MYL3: variants seen among roughly 807,000 people sequenced by gnomAD.
The protein encoded by MYL3 is CMLC1.
A neutral mutation model predicts 21.3 loss-of-function variants in MYL3; 11 were observed. The observed-to-expected ratio is 0.52, with a 90% CI of 0.32 to 0.85. MYL3 has a LOEUF of 0.85. MYL3 is among the 40% of genes least tolerant of loss of function. The pLI is 0.03. For missense variants in MYL3, 206 were observed against 253.3 expected (o/e 0.81, Z 1.27); for synonymous variants, 88 against 91.6 (o/e 0.96, Z 0.22).
chr3:46,864,949 T>A (rs1430977514), upstream of MYL3, among the ~76,000 whole-genome samples: 1 of 152,232 alleles, frequency 6.6e-6, no homozygotes, highest in Non-Finnish European at 1.5e-5. This position sits in a 1 kb window ranked among gnomAD's most constrained non-coding sequence, Gnocchi z 4.7. Flanking sequence ...TTGCCCAGCA[T>A]CTGTGCCTGG....
At chr3:46,865,205 G>A (rs140984185), upstream of MYL3, among the ~76,000 whole-genome samples, 1 of 152,286 alleles carries the variant, frequency 6.6e-6, no homozygotes, top group East Asian at 1.9e-4. The surrounding 1 kb of genome is among the most constrained non-coding windows in gnomAD (Gnocchi z 4.3). Flanking sequence ...CTCCTGACTG[G>A]AACACGTTCT....
Position 46,858,369 on chromosome 3 carries a change from C to A in MYL3, c.559+15G>T. On this transcript the variant is annotated intron_variant, in intron 5 of 6. Transcript: ENST00000292327. ...CACTCCCCTCCCAGAAGACCCCTGC[C>A]CCTGCTGAGCCCACCTTCATAGTTG... 1 of 1,614,128 alleles carries A rather than the reference C, an allele frequency of 6.2e-7. No individual in the cohort carries two copies. Among genetic ancestry groups the A allele is most frequent in the Non-Finnish European group, 8.5e-7 (1 of 1,180,018 alleles).
At chr3:46,858,506 A>C in intron 4 of MYL3, 45 bp from the exon 5 acceptor site, 1 of 1,593,904 alleles carries the variant, frequency 6.3e-7, no homozygotes, top group East Asian at 2.2e-5. Flanking sequence ...GTGCAGAGGC[A>C]TGATGGGGTG....
In MYL3 at chr3:46,871,627, G is replaced by C. The variant is rs528115001; in HGVS notation, c.-217-5027C>G. On this transcript the variant is annotated intron_variant, in intron 1 of 3. Transcript: ENST00000431168. ...CCTTGAGGGCTGTGGGGAGACCACA[G>C]CAGGTTCAGAGACTCACGGGTACCC... is the stretch of plus-strand genomic sequence containing the variant. Among the ~76,000 whole-genome samples, 5 of 152,216 alleles carry C rather than the reference G, an allele frequency of 3.3e-5. No individual in the cohort carries two copies. In the South Asian group the frequency reaches 1.0e-3, roughly 32 times the overall value.
rs1701973720 is a variant in MYL3 at position 46,859,975 on chromosome 3, G to A, written c.308-327C>T. Among the ~76,000 whole-genome samples the A allele has an allele frequency of 6.6e-6, 1 of 152,068 alleles. No homozygotes were observed. The highest frequency in any genetic ancestry group is 1.5e-5 in the Non-Finnish European group (1 of 68,014). ...CCTCCCCTCGTGGCATTTTCTTATA[G>A]ACCTCACCCTCCACCACCTGTGATT... is the stretch of plus-strand genomic sequence containing the variant. On this transcript the variant is annotated intron_variant, in intron 3 of 6. Coordinates refer to ENST00000292327, the MANE Select transcript of MYL3 (RefSeq NM_000258.3). The surrounding 1 kb of genome is among the most constrained non-coding windows in gnomAD (Gnocchi z 4.1).
intron 4 of MYL3, 46 bp from the exon 5 acceptor site, chr3:46,858,507 T>C (rs773590620): frequency 6.3e-7 from 1 of 1,589,694 alleles, no homozygotes; most frequent in Admixed American, 1.7e-5. Context: ...TGCAGAGGCA[T>C]GATGGGGTGG....
At chr3:46,875,904 C>T (rs1036167926) in intron 1 of MYL3, among the ~76,000 whole-genome samples, 2 of 152,232 alleles carry the variant, frequency 1.3e-5, no homozygotes, top group African/African-American at 4.8e-5. Flanking sequence ...TCTGAGCTGC[C>T]ATTCTCCCCC....
At chr3:46,866,952 C>T (rs1326975659), upstream of MYL3, among the ~76,000 whole-genome samples, 1 of 152,168 alleles carries the variant, frequency 6.6e-6, no homozygotes, top group Non-Finnish European at 1.5e-5. Context: ...TGGGAACCGA[C>T]CTTTGGTTCC....
rs1028432174 is a variant in MYL3, at chr3:46,879,695, C to T, written c.-218+2379G>A. On this transcript the variant is annotated intron_variant, in intron 1 of 3. Coordinates refer to the MYL3 transcript ENST00000431168. This position sits in a 1 kb window ranked among gnomAD's most constrained non-coding sequence, Gnocchi z 4.7. ...CCAGGAGGTCAAGGCTGCTGTGAGC[C>T]ATGACCGTGCCACTGCACTCCAGCC... 2.0e-5 allele frequency among the ~76,000 whole-genome samples: 3 copies of T among 152,130 alleles called. No individual in the cohort carries two copies. Among genetic ancestry groups the T allele is most frequent in the Admixed American group, 1.3e-4 (2 of 15,278 alleles).
chr3:46,870,579 G>A (rs1157803054), intron 1 of MYL3, among the ~76,000 whole-genome samples: 2 of 151,904 alleles, frequency 1.3e-5, no homozygotes, highest in Non-Finnish European at 2.9e-5. Context: ...CCAGGGTGTG[G>A]ATGCTGCAAT....
intron 1 of MYL3, among the ~76,000 whole-genome samples, chr3:46,872,444 C>T (rs540077677): frequency 6.6e-6 from 1 of 151,452 alleles, no homozygotes; most frequent in Non-Finnish European, 1.5e-5. Flanking sequence ...GCCCCAAGAC[C>T]CCCCCCCTCA....
rs182650085 is a variant in MYL3, at chr3:46,879,589, A to T, written c.-218+2485T>A. Among the ~76,000 whole-genome samples the T allele has an allele frequency of 9.7e-3, 1,474 of 152,150 alleles. 9 individuals are homozygous for T. The highest frequency in any genetic ancestry group is 0.015 in the South Asian group (73 of 4,828). On this transcript the variant is annotated intron_variant, in intron 1 of 3. Transcript: ENST00000431168. The surrounding 1 kb of genome is among the most constrained non-coding windows in gnomAD (Gnocchi z 4.7). ...GAGACCTCGTCTCTACAAAAAAAAAATTTTTTAATTACCCAGGTGTGGTAG... is the reference window on the plus strand; with the variant it reads ...GAGACCTCGTCTCTACAAAAAAAAATTTTTTTAATTACCCAGGTGTGGTAG...
chr3:46,869,683 C>T (rs1034048010), intron 1 of MYL3, among the ~76,000 whole-genome samples: 2 of 152,150 alleles, frequency 1.3e-5, no homozygotes, highest in Non-Finnish European at 2.9e-5. Flanking sequence ...TCTGCGTGGG[C>T]GTGAGCATGT....
Position 46,879,428 on chromosome 3 carries a change from T to C in MYL3, c.-218+2646A>G, listed in dbSNP as rs2030421517. ...TGGAAGATCAGTGGTCACAGAACCA[T>C]AAAACTTAGAGACACTTAGAAACAG... On this transcript the variant is annotated intron_variant, in intron 1 of 3. Transcript: ENST00000431168. This position sits in a 1 kb window ranked among gnomAD's most constrained non-coding sequence, Gnocchi z 4.7. Among the ~76,000 whole-genome samples, 1 of 152,118 alleles carries C rather than the reference T, an allele frequency of 6.6e-6. No individual in the cohort carries two copies. Among genetic ancestry groups the C allele is most frequent in the Non-Finnish European group, 1.5e-5 (1 of 68,036 alleles).
At chr3:46,880,516 G>T (rs1408962763) in intron 1 of MYL3, among the ~76,000 whole-genome samples, 1 of 152,192 alleles carries the variant, frequency 6.6e-6, no homozygotes, top group African/African-American at 2.4e-5. Flanking sequence ...GAGGCAGGTG[G>T]ATCACTTGAG....
intron 1 of MYL3, among the ~76,000 whole-genome samples, chr3:46,869,170 C>G (rs1277353298): frequency 6.6e-6 from 1 of 152,154 alleles, no homozygotes; most frequent in Non-Finnish European, 1.5e-5. Flanking sequence ...TGGACATTCC[C>G]TGCCACTGGG....
intron 1 of MYL3, among the ~76,000 whole-genome samples, chr3:46,869,936 G>C (rs576518875): frequency 6.6e-6 from 1 of 151,576 alleles, no homozygotes. Context: ...AGGAGGAACC[G>C]GCTCCCCTGG....
intron 1 of MYL3, among the ~76,000 whole-genome samples, chr3:46,878,221 G>A (rs1408762480): frequency 1.3e-5 from 2 of 152,238 alleles, no homozygotes; most frequent in African/African-American, 2.4e-5. Context: ...AGCCTCCAGC[G>A]ACTCAGCTGG....
chr3:46,871,282 C>T (rs1702111452), intron 1 of MYL3, among the ~76,000 whole-genome samples: 1 of 152,050 alleles, frequency 6.6e-6, no homozygotes. Flanking sequence ...ACGTGTGTGT[C>T]TGGACATTTG....
Sources: allele counts gnomAD v4.1 joint callset (sites outside exome capture counted in the v4.1 genomes callset), GRCh38; gene constraint gnomAD v4.1.1; non-coding constraint Gnocchi (gnomAD v3.1); transcripts MANE v1.5; gene names NCBI Gene and HGNC (gene_info 2026-07-23, HGNC 2026-07-21).